The following TCEANC2 variants were observed in gnomAD, a reference collection of about 807,000 sequenced individuals.
The protein encoded by TCEANC2 is transcription elongation factor A N-terminal and central domain-containing protein 2.
A neutral mutation model predicts 22.8 loss-of-function variants in TCEANC2; 20 were observed. The ratio of observed to expected loss-of-function variants is 0.88; its 90% CI spans 0.62 to 1.28. The LOEUF is 1.28. Among genes scored for constraint, TCEANC2 ranks in the 50% most tolerant of loss-of-function variants. TCEANC2 has a pLI of 0.00. For synonymous variants in TCEANC2, 84 were observed against 95.5 expected (o/e 0.88, Z 0.70); for missense variants, 251 against 249.7 (o/e 1.01, Z -0.03).
At chr1:54,110,090 C>T (rs910461230), downstream of TCEANC2, among the ~76,000 whole-genome samples, 5 of 152,148 alleles carry the variant, frequency 3.3e-5, no homozygotes, top group Non-Finnish European at 7.4e-5. Flanking sequence ...GTAGTGAACT[C>T]CTGTACAGGC....
At chr1:54,108,346 C>T (rs1170169638), downstream of TCEANC2, among the ~76,000 whole-genome samples, 1 of 152,170 alleles carries the variant, frequency 6.6e-6, no homozygotes, top group Non-Finnish European at 1.5e-5. Flanking sequence ...CCCAGTACCC[C>T]AGAATGTGAC....
intron 3 of TCEANC2, among the ~76,000 whole-genome samples, chr1:54,072,787 C>T (rs1459195381): frequency 6.6e-6 from 1 of 151,896 alleles, no homozygotes; most frequent in Non-Finnish European, 1.5e-5. Context: ...TGTGATTTTG[C>T]CTTTTATTTC....
chr1:54,085,546 T>C (rs915462871), intron 3 of TCEANC2, among the ~76,000 whole-genome samples: 6 of 152,192 alleles, frequency 3.9e-5, no homozygotes, highest in African/African-American at 1.4e-4. Flanking sequence ...ATGTTGTTAC[T>C]TTATAATATG....
Position 54,053,626 on chromosome 1 carries a change from G to A in TCEANC2, c.-175G>A, listed in dbSNP as rs1239395227. The A allele has an allele frequency of 6.1e-6, 1 of 165,160 alleles. No individual in the cohort carries two copies. Among genetic ancestry groups the A allele is most frequent in the Admixed American group, 6.3e-5 (1 of 15,956 alleles). 10.2% of individuals were successfully genotyped at this position (165,160 alleles called of 1,614,324 possible). A position where few individuals can be genotyped will look rare whatever the true frequency, so the allele number is the denominator to read the frequency against. On this transcript the variant is annotated 5_prime_UTR_variant, in exon 1 of 5. Coordinates refer to ENST00000234827, the MANE Select transcript of TCEANC2 (RefSeq NM_153035.3). Reference sequence around the variant, plus strand: ...GTGGCCCAGAGGCGCGAGGGCCGGCGGAGTTTCTTCAGAGGAACTACCGCC... The same window carrying A: ...GTGGCCCAGAGGCGCGAGGGCCGGCAGAGTTTCTTCAGAGGAACTACCGCC...
Position 54,088,790 on chromosome 1 carries a change from G to C in TCEANC2, c.438G>C (p.Lys146Asn). The C allele has an allele frequency of 6.4e-7, 1 of 1,569,796 alleles. No individual in the cohort carries two copies. Among genetic ancestry groups the C allele is most frequent in the Non-Finnish European group, 8.6e-7 (1 of 1,160,364 alleles). Residue 146 changes from lysine to asparagine, a missense_variant and splice_region_variant, in exon 4 of 5, where the codon AAG becomes AAC. Transcript: ENST00000234827. Reference protein sequence around the residue: ...QKLLSEALELKMDHLLVENIE... With the variant: ...QKLLSEALELNMDHLLVENIE... The stretch of plus-strand genomic sequence containing the variant: ...TACTCTCAGAAGCCTTGGAATTAAA[G>C]GTAATGCCCTAAATATATACAACTG...
intron 4 of TCEANC2, among the ~76,000 whole-genome samples, chr1:54,089,260 C>G (rs1658397803): frequency 6.6e-6 from 1 of 152,160 alleles, no homozygotes; most frequent in Non-Finnish European, 1.5e-5. Flanking sequence ...AATTCCTTCC[C>G]TTCTTGCTGA....
rs768853158 is a variant in TCEANC2, at chr1:54,088,604, T to C, written c.252T>C (p.Thr84=). ...EVLKSTRIGH[T]VNKMRKHSDS... is the part of the protein sequence containing the mutation. ...TTTCTCTTCCTGTTCCAGGTCACAC[T>C]GTGAACAAGATGCGTAAACACTCAG... Residue 84 remains threonine (T), a synonymous_variant, in exon 4 of 5, where the codon ACT becomes ACC. Coordinates refer to ENST00000234827, the MANE Select transcript of TCEANC2 (RefSeq NM_153035.3). The C allele has an allele frequency of 1.2e-6, 2 of 1,600,454 alleles. No individual in the cohort carries two copies. Among genetic ancestry groups the C allele is most frequent in the Non-Finnish European group, 8.5e-7 (1 of 1,176,062 alleles).
chr1:54,058,521 C>A (rs754446935), intron 2 of TCEANC2, among the ~76,000 whole-genome samples: 14 of 152,132 alleles, frequency 9.2e-5, no homozygotes, highest in Non-Finnish European at 2.1e-4. Context: ...TCTGAATGAC[C>A]AAATGAAGTA....
At chr1:54,062,175 T>C (rs1364960976) in intron 2 of TCEANC2, among the ~76,000 whole-genome samples, 2 of 152,204 alleles carry the variant, frequency 1.3e-5, no homozygotes, top group Non-Finnish European at 2.9e-5. Flanking sequence ...TTTCCCTAAT[T>C]GGTTTTGTCA....
intron 3 of TCEANC2, among the ~76,000 whole-genome samples, chr1:54,075,825 C>T (rs569773453): frequency 6.6e-6 from 1 of 152,164 alleles, no homozygotes; most frequent in East Asian, 1.9e-4. Flanking sequence ...ACCAGCCTGG[C>T]CAACATGGTG....
chr1:54,102,066 G>A lies in TCEANC2; in HGVS notation c.*5593G>A, dbSNP rs1488073787. 6 of 152,246 alleles carry A rather than the reference G, an allele frequency of 3.9e-5. No homozygotes were observed. The highest frequency in any genetic ancestry group is 1.2e-4 in the African/African-American group (5 of 41,450). The allele number at this position is 152,246 out of a possible 1,614,324, so 9.4% of individuals were successfully genotyped here. A position where few individuals can be genotyped will look rare whatever the true frequency, so the allele number is the denominator to read the frequency against. On this transcript the variant is annotated 3_prime_UTR_variant, in exon 5 of 5. Transcript: ENST00000234827. ...GCATCTCACTCCAACCATTAAGAAG[G>A]AAGCACAATGCCTGGGAGCCCTCTT... is the stretch of plus-strand genomic sequence containing the variant.
At chr1:54,081,509 A>C (rs1377061955) in intron 3 of TCEANC2, among the ~76,000 whole-genome samples, 1 of 152,042 alleles carries the variant, frequency 6.6e-6, no homozygotes, top group African/African-American at 2.4e-5. Context: ...GGCCCCCACA[A>C]AGTGCTGGGA....
chr1:54,075,762 C>T (rs1658132709), intron 3 of TCEANC2, among the ~76,000 whole-genome samples: 2 of 152,040 alleles, frequency 1.3e-5, no homozygotes, highest in South Asian at 2.1e-4. Context: ...ACCTCTAATC[C>T]CAGCACTTTG....
chr1:54,071,714 C>A (rs1339662254), intron 3 of TCEANC2, among the ~76,000 whole-genome samples: 1 of 152,146 alleles, frequency 6.6e-6, no homozygotes, highest in Non-Finnish European at 1.5e-5. Flanking sequence ...AGACTGGCTA[C>A]CATAGCCTGT....
rs781596245 is a variant in TCEANC2 at position 54,054,529 on chromosome 1, G to A, written c.102+5G>A. The stretch of plus-strand genomic sequence containing the variant: ...GCCACGATTGAATCTCTGAAGGTGA[G>A]AGGGGATCTGGGGCTAGAGGAAATG... On this transcript the variant is annotated splice_donor_5th_base_variant and intron_variant, in intron 2 of 4. Transcript: ENST00000234827. 2.5e-6 allele frequency: 4 copies of A among 1,611,264 alleles called. No homozygotes were observed. In the Admixed American group the frequency reaches 5.0e-5, roughly 20 times the overall value.
intron 3 of TCEANC2, among the ~76,000 whole-genome samples, chr1:54,071,835 A>G (rs548533971): frequency 6.6e-6 from 1 of 151,346 alleles, no homozygotes; most frequent in Non-Finnish European, 1.5e-5. Context: ...TTTTTGAGAC[A>G]GGGTCTTTCT....
At chr1:54,057,530 A>G (rs1657774810) in intron 2 of TCEANC2, among the ~76,000 whole-genome samples, 1 of 151,794 alleles carries the variant, frequency 6.6e-6, no homozygotes, top group Non-Finnish European at 1.5e-5. Context: ...CTTCTTGCCC[A>G]TACTCACTTG....
intron 2 of TCEANC2, among the ~76,000 whole-genome samples, chr1:54,060,358 T>C (rs1470490488): frequency 6.6e-6 from 1 of 151,816 alleles, no homozygotes; most frequent in Non-Finnish European, 1.5e-5. Context: ...TGAGCTGAGA[T>C]TGCGCCACTG....
rs780084686 is a variant in TCEANC2, at chr1:54,054,408, C to T, written c.-15C>T. 2.0e-5 allele frequency: 32 copies of T among 1,613,818 alleles called. No homozygotes were observed. Among genetic ancestry groups the T allele is most frequent in the Middle Eastern group, 1.6e-4 (1 of 6,062 alleles). On this transcript the variant is annotated 5_prime_UTR_variant, in exon 2 of 5. Transcript: ENST00000234827. ...CACGCTGCAAGCACGTCAAGGTAGT[C>T]GGAGTCCCCTAACAATGGATAAATT... is the stretch of plus-strand genomic sequence containing the variant.
Sources: gnomAD v4.1 joint callset for allele counts (sites outside exome capture counted in the v4.1 genomes callset) on GRCh38, gnomAD v4.1.1 for gene constraint, MANE v1.5 for transcripts, NCBI Gene and HGNC (gene_info 2026-07-23, HGNC 2026-07-21) for gene names.